LRRC4C: variants seen among roughly 807,000 people sequenced by gnomAD.
LRRC4C encodes leucine-rich repeat-containing protein 4C.
LRRC4C carries 5 observed loss-of-function variants against 33.6 expected under a neutral mutation model. The observed-to-expected ratio is 0.15, with a 90% CI of 0.08 to 0.31. LRRC4C has a LOEUF of 0.31. LRRC4C is among the 10% of genes least tolerant of loss of function. LRRC4C has a pLI of 1.00. For synonymous variants in LRRC4C, 329 were observed against 302.0 expected (o/e 1.09, Z -0.93); for missense variants, 560 against 796.7 (o/e 0.70, Z 3.58).
At chr11:40,700,318 T>C (rs1945807012) in intron 2 of LRRC4C, among the ~76,000 whole-genome samples, 2 of 152,174 alleles carry the variant, frequency 1.3e-5, no homozygotes, top group Admixed American at 6.6e-5. Context: ...ATTTTTTCAT[T>C]TATTGTAATA....
intron 1 of LRRC4C, among the ~76,000 whole-genome samples, chr11:41,230,861 C>A (rs1184351201): frequency 2.7e-5 from 3 of 112,690 alleles, no homozygotes; most frequent in Non-Finnish European, 3.5e-5. Context: ...ACTCATCTGA[C>A]AAAGGGCTAA....
At chr11:41,042,661 G>A (rs1857510431) in intron 1 of LRRC4C, among the ~76,000 whole-genome samples, 1 of 152,130 alleles carries the variant, frequency 6.6e-6, no homozygotes, top group Non-Finnish European at 1.5e-5. Context: ...GGGCTGTGCT[G>A]CTAATGAAAT....
At chr11:41,230,992 A>G (rs1037909697) in intron 1 of LRRC4C, among the ~76,000 whole-genome samples, 2 of 152,174 alleles carry the variant, frequency 1.3e-5, no homozygotes, top group Non-Finnish European at 2.9e-5. Flanking sequence ...ACATTTATGC[A>G]ACCAACTGAC....
intron 5 of LRRC4C, among the ~76,000 whole-genome samples, chr11:40,145,900 T>G: frequency 6.6e-6 from 1 of 152,214 alleles, no homozygotes; most frequent in East Asian, 1.9e-4. Context: ...TACCAGGAAA[T>G]GAATTGTTTA....
intron 3 of LRRC4C, among the ~76,000 whole-genome samples, chr11:40,644,157 A>G (rs920721184): frequency 6.6e-6 from 1 of 152,132 alleles, no homozygotes; most frequent in African/African-American, 2.4e-5. Flanking sequence ...AACTTTTGGG[A>G]AAAAAATAAA....
At chr11:40,339,777 G>T (rs777778423) in intron 3 of LRRC4C, among the ~76,000 whole-genome samples, 13 of 152,084 alleles carry the variant, frequency 8.5e-5, no homozygotes, top group Non-Finnish European at 1.6e-4. Context: ...CAGTTGAAAA[G>T]ACCTTATCAA....
At chr11:41,324,199 C>T (rs767655863) in intron 1 of LRRC4C, among the ~76,000 whole-genome samples, 8 of 151,948 alleles carry the variant, frequency 5.3e-5, no homozygotes, top group African/African-American at 1.2e-4. Flanking sequence ...GGGAGGCTGA[C>T]GCGGGAGGAT....
At position 40,116,165 on chromosome 11, in the gene LRRC4C, C is replaced by G. The variant is rs141998335; in HGVS notation, c.128G>C (p.Arg43Pro). 20 of 1,613,738 alleles carry G rather than the reference C, an allele frequency of 1.2e-5. No homozygotes were observed. Among genetic ancestry groups the G allele is most frequent in the Non-Finnish European group, 1.7e-5 (20 of 1,179,928 alleles). ...GCACACAGAAGGGCAGGTCTGAGCC[C>G]GCACCAGACCAGCCACCACAAGAAG... ...LQLLVVAGLV[R>P]AQTCPSVCSC... The change falls in exon 7 of 7, where the codon CGG becomes CCG. Residue 43 changes from arginine (R) to proline (P), a missense_variant. Around this residue, in one of 3 missense-constraint regions of LRRC4C, gnomAD observed 455 missense variants for 643.8 expected, o/e 0.71. Coordinates refer to ENST00000528697, the MANE Select transcript of LRRC4C (RefSeq NM_001258419.2).
At chr11:41,233,433 C>T (rs1375259148) in intron 1 of LRRC4C, among the ~76,000 whole-genome samples, 2 of 151,904 alleles carry the variant, frequency 1.3e-5, no homozygotes, top group Non-Finnish European at 2.9e-5. Flanking sequence ...CATAAAAACT[C>T]TGCAATAATA....
intron 1 of LRRC4C, among the ~76,000 whole-genome samples, chr11:40,961,814 A>G (rs1170817886): frequency 1.3e-5 from 2 of 151,620 alleles, no homozygotes; most frequent in African/African-American, 4.8e-5. Context: ...TATTCATTTA[A>G]TTTATCCATC....
chr11:40,978,957 A>G (rs1852301826), intron 1 of LRRC4C, among the ~76,000 whole-genome samples: 1 of 151,792 alleles, frequency 6.6e-6, no homozygotes, highest in Non-Finnish European at 1.5e-5. Flanking sequence ...GATTTCAGTT[A>G]TTCTCAGCTT....
intron 3 of LRRC4C, among the ~76,000 whole-genome samples, chr11:40,625,269 C>T (rs1056978192): frequency 6.6e-6 from 1 of 152,066 alleles, no homozygotes; most frequent in Non-Finnish European, 1.5e-5. Flanking sequence ...TTGTATTAGT[C>T]TGTTCTCATG....
chr11:41,275,036 A>T (rs1020543025), intron 1 of LRRC4C, among the ~76,000 whole-genome samples: 1 of 151,988 alleles, frequency 6.6e-6, no homozygotes, highest in African/African-American at 2.4e-5. Flanking sequence ...TTCTGGGTTC[A>T]TGTGAGATAG....
At chr11:40,550,198 T>G (rs1171616015) in intron 3 of LRRC4C, among the ~76,000 whole-genome samples, 1 of 152,132 alleles carries the variant, frequency 6.6e-6, no homozygotes, top group Non-Finnish European at 1.5e-5. Flanking sequence ...TAAATAATAT[T>G]AATCAGTAAT....
intron 1 of LRRC4C, among the ~76,000 whole-genome samples, chr11:41,438,064 A>AATAAATACATAAATAC (rs139362584): frequency 6.7e-6 from 1 of 148,574 alleles, no homozygotes; most frequent in Non-Finnish European, 1.5e-5. Flanking sequence ...TAAATAAATA[A>AATAAATACATAAATAC]ATAAATAATA....
intron 4 of LRRC4C, among the ~76,000 whole-genome samples, chr11:40,316,796 G>C (rs1945595468): frequency 6.6e-6 from 1 of 151,834 alleles, no homozygotes; most frequent in Non-Finnish European, 1.5e-5. Context: ...GATGTGATTT[G>C]GTTAAGCTGT....
chr11:41,347,335 A>C (rs1252752465), intron 1 of LRRC4C, among the ~76,000 whole-genome samples: 2 of 152,188 alleles, frequency 1.3e-5, no homozygotes, highest in African/African-American at 4.8e-5. Context: ...AAGTTAATAC[A>C]GGCATTTAAG....
At chr11:41,140,017 G>A (rs1196443017) in intron 1 of LRRC4C, among the ~76,000 whole-genome samples, 1 of 152,146 alleles carries the variant, frequency 6.6e-6, no homozygotes, top group Non-Finnish European at 1.5e-5. Context: ...TGTTTTAGCA[G>A]AGTGAAAATA....
chr11:40,440,076 A>C (rs1951323659), intron 3 of LRRC4C, among the ~76,000 whole-genome samples: 1 of 152,246 alleles, frequency 6.6e-6, no homozygotes. Context: ...AGTCAAAATT[A>C]TTTACTGTGT....
Sources: gnomAD v4.1 joint callset for allele counts (sites outside exome capture counted in the v4.1 genomes callset) on GRCh38, gnomAD v4.1.1 for gene constraint, gnomAD v4.1.1 regional missense constraint, MANE v1.5 for transcripts, NCBI Gene and HGNC (gene_info 2026-07-23, HGNC 2026-07-21) for gene names.